Variants in RHEX observed in about 807,000 individuals in gnomAD.
RHEX encodes the protein regulator of hemoglobinization and erythroid cell expansion protein.
A neutral mutation model predicts 20.1 loss-of-function variants in RHEX; 18 were observed. The ratio of observed to expected loss-of-function variants is 0.90; its 90% CI spans 0.62 to 1.33. The LOEUF is 1.33. RHEX is among the 40% of genes most tolerant of loss of function. RHEX has a pLI of 0.00. For synonymous variants in RHEX, 87 were observed against 77.1 expected, an observed-to-expected ratio of 1.13 and a Z score of -0.67; for missense variants, 192 against 214.3, an observed-to-expected ratio of 0.90 and a Z score of 0.65.
chr1:206,093,930 C>T (rs1663011830), intron 1 of RHEX, among the ~76,000 whole-genome samples: 1 of 152,092 alleles, frequency 6.6e-6, no homozygotes, highest in South Asian at 2.1e-4. Flanking sequence ...TCTTCCACCT[C>T]GCTCTCCCAA....
chr1:206,063,469 C>T (rs75941178), intron 1 of RHEX, among the ~76,000 whole-genome samples: 3 of 152,262 alleles, frequency 2.0e-5, no homozygotes, highest in Admixed American at 6.5e-5. Flanking sequence ...CTGCTGCCAT[C>T]TCGGCTCACT....
chr1:206,062,945 C>T lies in RHEX; in HGVS notation c.-97+9680C>T, dbSNP rs538146537. On this transcript the variant is annotated intron_variant, in intron 1 of 5. Coordinates refer to ENST00000331555, the MANE Select transcript of RHEX (RefSeq NM_001007544.4). The stretch of plus-strand genomic sequence containing the variant: ...TCCTCACAGAGCTTACCTTCTAGAA[C>T]GAACAAAGAAACACATAAACACACA... Among the ~76,000 whole-genome samples the T allele has an allele frequency of 5.5e-4, 83 of 152,274 alleles. 2 individuals carry two copies. The highest frequency in any genetic ancestry group is 9.4e-4 in the Non-Finnish European group (64 of 68,018).
At chr1:206,077,110 G>C (rs1007614712) in intron 1 of RHEX, among the ~76,000 whole-genome samples, 12 of 152,286 alleles carry the variant, frequency 7.9e-5, no homozygotes, top group Non-Finnish European at 1.5e-4. Flanking sequence ...ACTTGCCGAT[G>C]ATGAGAAGAG....
chr1:206,058,821 G>A (rs1553282959), intron 1 of RHEX, among the ~76,000 whole-genome samples: 2 of 152,170 alleles, frequency 1.3e-5, no homozygotes, highest in Non-Finnish European at 2.9e-5. Flanking sequence ...CGGATTTTAA[G>A]GCAGTAGCCT....
intron 1 of RHEX, among the ~76,000 whole-genome samples, chr1:206,056,088 C>T (rs1326605206): frequency 6.6e-6 from 1 of 152,236 alleles, no homozygotes; most frequent in Non-Finnish European, 1.5e-5. Context: ...CCCGCATAAC[C>T]ATTGAAGTTT....
chr1:206,100,619 C>T (rs1553288264), intron 4 of RHEX, among the ~76,000 whole-genome samples: 2 of 152,174 alleles, frequency 1.3e-5, no homozygotes, highest in Non-Finnish European at 2.9e-5. Flanking sequence ...GATTGTTTAG[C>T]TGTCAGGGAC....
chr1:206,053,447 G>A (rs1276763383), intron 1 of RHEX, 182 bp downstream of exon 1: 2 of 152,914 alleles, frequency 1.3e-5, no homozygotes, highest in African/African-American at 4.8e-5. Context: ...TTTTGGTTTT[G>A]ATTTTGGTTT....
intron 1 of RHEX, among the ~76,000 whole-genome samples, chr1:206,056,741 T>G (rs1292377106): frequency 4.6e-5 from 7 of 152,242 alleles, no homozygotes; most frequent in African/African-American, 1.7e-4. Context: ...ATTTGACACT[T>G]GTGCCACTAT....
At chr1:206,071,739 C>T (rs987675619) in intron 1 of RHEX, among the ~76,000 whole-genome samples, 2 of 151,282 alleles carry the variant, frequency 1.3e-5, no homozygotes, top group Non-Finnish European at 2.9e-5. Context: ...GTCCTAGCTA[C>T]TAGGGAAGCT....
At chr1:206,057,260 G>A (rs1225265675) in intron 1 of RHEX, among the ~76,000 whole-genome samples, 1 of 152,278 alleles carries the variant, frequency 6.6e-6, no homozygotes. Context: ...CGTAACAGGA[G>A]ATCAATGGCC....
At chr1:206,084,860 A>G (rs1662807818) in intron 1 of RHEX, among the ~76,000 whole-genome samples, 1 of 152,178 alleles carries the variant, frequency 6.6e-6, no homozygotes, top group African/African-American at 2.4e-5. Flanking sequence ...CACAGGTTAC[A>G]AGTCCATGAA....
At chr1:206,101,457 C>G (rs1267350059) in intron 5 of RHEX, among the ~76,000 whole-genome samples, 1 of 152,152 alleles carries the variant, frequency 6.6e-6, no homozygotes, top group Non-Finnish European at 1.5e-5. Flanking sequence ...TCCCCACACC[C>G]CAGTTGTTGG....
intron 1 of RHEX, among the ~76,000 whole-genome samples, chr1:206,073,282 A>T (rs1553284853): frequency 6.6e-6 from 1 of 152,092 alleles, no homozygotes; most frequent in South Asian, 2.1e-4. Context: ...TGCTGATGCC[A>T]CTAAAATCTA....
At position 206,098,108 on chromosome 1, in the gene RHEX, G is replaced by A; in HGVS notation, c.39G>A (p.Val13=). The A allele has an allele frequency of 4.3e-6, 7 of 1,614,060 alleles. No homozygotes were observed. The highest frequency in any genetic ancestry group is 5.9e-6 in the Non-Finnish European group (7 of 1,179,958). The part of the protein sequence containing the change: ...TEVMEVWHGL[V]IAVVSLFLQA... Reference sequence around the variant, plus strand: ...TCATGGAGGTCTGGCATGGCTTAGTGATCGCGGTGGTGTCCCTCTTCCTGC... The same window carrying A: ...TCATGGAGGTCTGGCATGGCTTAGTAATCGCGGTGGTGTCCCTCTTCCTGC... The change falls in exon 3 of 6, where the codon GTG becomes GTA. Residue 13 remains valine (V), a synonymous_variant. Coordinates refer to ENST00000331555, the MANE Select transcript of RHEX (RefSeq NM_001007544.4).
chr1:206,091,842 C>CAT (rs1227094697), intron 1 of RHEX, among the ~76,000 whole-genome samples: 1 of 151,814 alleles, frequency 6.6e-6, no homozygotes, highest in Non-Finnish European at 1.5e-5. Context: ...TTGATATTAC[C>CAT]ATATATATAT....
intron 1 of RHEX, among the ~76,000 whole-genome samples, chr1:206,053,830 G>A (rs115349790): frequency 4.6e-5 from 7 of 152,266 alleles, no homozygotes; most frequent in Admixed American, 1.3e-4. Flanking sequence ...CCCTTGCCCC[G>A]CCAACGTAGT....
chr1:206,066,970 G>T (rs1270106250), intron 1 of RHEX, among the ~76,000 whole-genome samples: 7 of 152,186 alleles, frequency 4.6e-5, no homozygotes, highest in African/African-American at 1.7e-4. Flanking sequence ...TCAGTTATCA[G>T]GACAGGACGG....
chr1:206,101,292 T>G, intron 5 of RHEX, 95 bp downstream of exon 5: 1 of 978,718 alleles, frequency 1.0e-6, no homozygotes, highest in Non-Finnish European at 1.6e-6. Context: ...AGCTATGTAG[T>G]GGGAGCAAGA....
chr1:206,082,645 G>C lies in RHEX; in HGVS notation c.-96-15088G>C, dbSNP rs142058744. Among the ~76,000 whole-genome samples, 88 of 152,150 alleles carry C rather than the reference G, an allele frequency of 5.8e-4. 2 individuals carry two copies. In the East Asian group the frequency reaches 0.014, roughly 24 times the overall value. ...ACCTTATGAGATTTAAAAAATATCAGATATTTATTATTAACCCAATTTTAC... is the reference window on the plus strand; with the variant it reads ...ACCTTATGAGATTTAAAAAATATCACATATTTATTATTAACCCAATTTTAC... On this transcript the variant is annotated intron_variant, in intron 1 of 5. Transcript: ENST00000331555.
Sources: allele counts gnomAD v4.1 joint callset (sites outside exome capture counted in the v4.1 genomes callset), GRCh38; gene constraint gnomAD v4.1.1; transcripts MANE v1.5; gene names NCBI Gene and HGNC (gene_info 2026-07-23, HGNC 2026-07-21).